The following ANK3 variants were observed in gnomAD, a reference collection of about 807,000 sequenced individuals.
The protein encoded by ANK3 is ankyrin-3.
Under a neutral mutation model 370.9 loss-of-function variants are expected in ANK3, and 57 were observed. The ratio of observed to expected loss-of-function variants is 0.15; its 90% CI spans 0.12 to 0.19. The LOEUF is 0.19. Ranked by LOEUF, ANK3 falls within the 10% of genes least tolerant of loss-of-function variation. The pLI is 1.00. For synonymous variants in ANK3, 1,929 were observed against 1,946.3 expected, an observed-to-expected ratio of 0.99 and a Z score of 0.23; for missense variants, 4,439 against 5,302.1, an observed-to-expected ratio of 0.84 and a Z score of 5.06.
intron 36 of ANK3, among the ~76,000 whole-genome samples, chr10:60,079,174 T>TACACACACACACACACACACACAC (rs58239281): frequency 5.2e-4 from 59 of 113,834 alleles, no homozygotes; most frequent in Admixed American, 6.5e-4. Context: ...GCTACCTAGC[T>TACACACACACACACACACACACAC]ACACACACAC....
chr10:60,648,202 G>T (rs531048732), intron 1 of ANK3, among the ~76,000 whole-genome samples: 40 of 138,210 alleles, frequency 2.9e-4, no homozygotes, highest in African/African-American at 1.0e-3. Flanking sequence ...TCCCAGGCTG[G>T]AGTGCCATGG....
At chr10:60,287,653 CCTAA>C (rs5785436) in intron 1 of ANK3, among the ~76,000 whole-genome samples, 2,926 of 152,230 alleles carry the variant, frequency 0.019, 35 homozygotes, top group South Asian at 0.033. Context: ...GAGGCAGAAA[CCTAA>C]CTTTCTTAAA....
upstream of ANK3, among the ~76,000 whole-genome samples, chr10:60,391,362 G>A (rs146425404): frequency 8.1e-3 from 1,227 of 152,308 alleles, 16 homozygotes; most frequent in African/African-American, 0.026. Flanking sequence ...GAAAAATGAA[G>A]GTGGGGGATT....
intron 25 of ANK3, among the ~76,000 whole-genome samples, chr10:60,117,317 G>A (rs753678403): frequency 6.6e-6 from 1 of 152,174 alleles, no homozygotes; most frequent in Non-Finnish European, 1.5e-5. Flanking sequence ...ACATCTGTGT[G>A]CAGTGGACCT....
chr10:60,570,779 G>A (rs1388385642), intron 2 of ANK3, among the ~76,000 whole-genome samples: 3 of 152,088 alleles, frequency 2.0e-5, no homozygotes, highest in Non-Finnish European at 4.4e-5. Flanking sequence ...ACTTTATATT[G>A]TGCTCTGAGC....
In ANK3 at chr10:60,267,666, TG is replaced by T. The variant is rs546805209; in HGVS notation, c.513+2464del. On this transcript the variant is annotated intron_variant, in intron 5 of 43. Coordinates refer to ENST00000280772, the MANE Select transcript of ANK3 (RefSeq NM_020987.5). Reference sequence around the variant, plus strand: ...AGTACTAGAGAGCTCTGAGAGTTACTGGTAATTGGTTTACAATCTAATTCTA... The same window carrying T: ...AGTACTAGAGAGCTCTGAGAGTTACTGTAATTGGTTTACAATCTAATTCTA... Among the ~76,000 whole-genome samples, 557 of 152,290 alleles carry T rather than the reference TG, an allele frequency of 3.7e-3. 8 individuals are homozygous for T. Among genetic ancestry groups the T allele is most frequent in the African/African-American group, 0.013 (533 of 41,552 alleles).
chr10:60,683,565 CA>C (rs2079225303), intron 1 of ANK3, among the ~76,000 whole-genome samples: 1 of 152,186 alleles, frequency 6.6e-6, no homozygotes, highest in Non-Finnish European at 1.5e-5. Flanking sequence ...CTTTTAGAAA[CA>C]AAGTTTGCCT....
chr10:60,675,129 T>C (rs1409884165), intron 1 of ANK3, among the ~76,000 whole-genome samples: 1 of 152,212 alleles, frequency 6.6e-6, no homozygotes, highest in African/African-American at 2.4e-5. Flanking sequence ...CATAAAACAT[T>C]CAGGTCAAGT....
At chr10:60,592,535 G>A (rs1369115771) in intron 2 of ANK3, among the ~76,000 whole-genome samples, 3 of 152,196 alleles carry the variant, frequency 2.0e-5, no homozygotes, top group African/African-American at 7.2e-5. Context: ...CAAGGCGGGT[G>A]GATCACCTGA....
chr10:60,260,063 G>T (rs567291329), intron 7 of ANK3, among the ~76,000 whole-genome samples: 1 of 152,174 alleles, frequency 6.6e-6, no homozygotes, highest in Admixed American at 6.5e-5. Flanking sequence ...ATAGGAAATA[G>T]CTTTTCTATT....
intron 41 of ANK3, among the ~76,000 whole-genome samples, chr10:60,056,688 A>G (rs368980106): frequency 6.6e-6 from 1 of 152,142 alleles, no homozygotes; most frequent in African/African-American, 2.4e-5. Flanking sequence ...CACCAATCTT[A>G]AAGGAGAAGA....
At chr10:60,482,343 C>T (rs993464767) in intron 2 of ANK3, among the ~76,000 whole-genome samples, 6 of 152,146 alleles carry the variant, frequency 3.9e-5, no homozygotes, top group African/African-American at 1.4e-4. Flanking sequence ...CTGATTTCTG[C>T]CAGAACCCAG....
At chr10:60,456,322 C>T (rs1004920178) in intron 2 of ANK3, among the ~76,000 whole-genome samples, 10 of 152,312 alleles carry the variant, frequency 6.6e-5, no homozygotes, top group Admixed American at 4.6e-4. Flanking sequence ...GAATGAATCA[C>T]TCTATTTCCT....
At chr10:60,318,181 C>G (rs1183500578) in intron 1 of ANK3, among the ~76,000 whole-genome samples, 1 of 152,116 alleles carries the variant, frequency 6.6e-6, no homozygotes, top group African/African-American at 2.4e-5. Flanking sequence ...TGGTGGTTTG[C>G]TGCACTTATC....
At chr10:60,708,446 TGA>T (rs2079650587) in intron 1 of ANK3, among the ~76,000 whole-genome samples, 1 of 152,146 alleles carries the variant, frequency 6.6e-6, no homozygotes, top group Admixed American at 6.5e-5. Flanking sequence ...CCCTGAAGAA[TGA>T]GTTGAGTTTC....
intron 2 of ANK3, among the ~76,000 whole-genome samples, chr10:60,416,041 C>G (rs560097547): frequency 6.7e-6 from 1 of 148,818 alleles, no homozygotes; most frequent in African/African-American, 2.5e-5. Flanking sequence ...GATTAGTGTC[C>G]CTATTAAAAA....
chr10:60,295,047 C>T lies in ANK3; in HGVS notation c.115-15408G>A, dbSNP rs369605967. ...AGTTATAACATGGAAGGTGACTTTC[C>T]GTTATGTTACCGTCTAACAGCTAAA... On this transcript the variant is annotated intron_variant, in intron 1 of 43. Coordinates refer to ENST00000280772, the MANE Select transcript of ANK3 (RefSeq NM_020987.5). Among the ~76,000 whole-genome samples, 9 of 152,230 alleles carry T rather than the reference C, an allele frequency of 5.9e-5. No homozygotes were observed. In the East Asian group the frequency reaches 1.5e-3, roughly 26 times the overall value.
intron 1 of ANK3, among the ~76,000 whole-genome samples, chr10:60,294,751 G>T (rs1382630608): frequency 6.6e-6 from 1 of 152,134 alleles, no homozygotes; most frequent in Non-Finnish European, 1.5e-5. Flanking sequence ...ACTGATTTGG[G>T]ATTGTAAATA....
chr10:60,104,075 T>C (rs1471656286), intron 28 of ANK3, among the ~76,000 whole-genome samples: 1 of 151,980 alleles, frequency 6.6e-6, no homozygotes, highest in Admixed American at 6.6e-5. Flanking sequence ...TGGGGCCTAC[T>C]TGAAGGTGGA....
Sources: allele counts gnomAD v4.1 joint callset (sites outside exome capture counted in the v4.1 genomes callset), GRCh38; gene constraint gnomAD v4.1.1; transcripts MANE v1.5; gene names NCBI Gene and HGNC (gene_info 2026-07-23, HGNC 2026-07-21).